TMCO4: variants seen among roughly 807,000 people sequenced by gnomAD.
The protein encoded by TMCO4 is transmembrane and coiled-coil domains 4.
In TMCO4, 58 loss-of-function variants were observed where a neutral mutation model predicts 64.7. The ratio of observed to expected loss-of-function variants is 0.90; its 90% CI spans 0.73 to 1.12. TMCO4 has a LOEUF of 1.12. Ranked by LOEUF, TMCO4 falls within the 50% of genes most tolerant of loss-of-function variation. The probability of loss-of-function intolerance (pLI) is 0.00; values close to 1 mark genes in which losing one functional copy is unlikely to be tolerated. For missense variants in TMCO4, 780 were observed against 825.9 expected (o/e 0.94, Z 0.68); for synonymous variants, 325 against 346.1 (o/e 0.94, Z 0.68).
intron 7 of TMCO4, among the ~76,000 whole-genome samples, chr1:19,749,601 C>T (rs1422266482): frequency 1.3e-5 from 2 of 152,186 alleles, no homozygotes; most frequent in African/African-American, 4.8e-5. Flanking sequence ...CTCCTGGGCT[C>T]AAGTGATCCA....
chr1:19,789,698 C>T (rs546221178), intron 2 of TMCO4, among the ~76,000 whole-genome samples: 1 of 152,212 alleles, frequency 6.6e-6, no homozygotes, highest in South Asian at 2.1e-4. Flanking sequence ...TGTGGCCCAG[C>T]CAAGCCAGTG....
chr1:19,783,390 C>T (rs1335138660), intron 3 of TMCO4, among the ~76,000 whole-genome samples: 1 of 152,208 alleles, frequency 6.6e-6, no homozygotes, highest in Non-Finnish European at 1.5e-5. Flanking sequence ...AATAACCACA[C>T]TCCAAACAGT....
At chr1:19,780,546 C>T (rs759691715) in intron 4 of TMCO4, 34 bp downstream of exon 4, 1 of 1,555,616 alleles carries the variant, frequency 6.4e-7, no homozygotes, top group Admixed American at 1.9e-5. Flanking sequence ...CCTGAAGAAG[C>T]ATGACCTTCC....
intron 12 of TMCO4, 79 bp downstream of exon 12, chr1:19,739,745 A>G: frequency 1.3e-6 from 2 of 1,548,958 alleles, no homozygotes; most frequent in South Asian, 2.5e-5. Context: ...CTTGCCTCTA[A>G]GGCTGATATC....
chr1:19,772,702 T>C (rs1433489514), intron 4 of TMCO4, among the ~76,000 whole-genome samples: 1 of 152,106 alleles, frequency 6.6e-6, no homozygotes, highest in African/African-American at 2.4e-5. Flanking sequence ...TCAAACCACA[T>C]TGCCTTGGGA....
chr1:19,685,988 A>G (rs1376262849), intron 15 of TMCO4, among the ~76,000 whole-genome samples: 1 of 152,024 alleles, frequency 6.6e-6, no homozygotes, highest in Non-Finnish European at 1.5e-5. Context: ...CGGCCTCCCA[A>G]AGTGCTGGGA....
chr1:19,751,143 G>A (rs1261424043), intron 7 of TMCO4, among the ~76,000 whole-genome samples: 2 of 152,176 alleles, frequency 1.3e-5, no homozygotes, highest in Non-Finnish European at 2.9e-5. Context: ...AGCTTGCCCT[G>A]GGCTTGGAAA....
At chr1:19,741,959 G>A (rs2095481281) in intron 10 of TMCO4, among the ~76,000 whole-genome samples, 1 of 151,794 alleles carries the variant, frequency 6.6e-6, no homozygotes, top group Non-Finnish European at 1.5e-5. Flanking sequence ...GGCTGGTCTC[G>A]AACTCCTGAC....
chr1:19,725,624 A>G (rs2095405452), intron 13 of TMCO4, among the ~76,000 whole-genome samples: 1 of 152,202 alleles, frequency 6.6e-6, no homozygotes, highest in Non-Finnish European at 1.5e-5. Flanking sequence ...CCTTGGGGAC[A>G]GGGTCAGTCA....
chr1:19,772,866 T>G (rs752382277), intron 4 of TMCO4, among the ~76,000 whole-genome samples: 8 of 152,078 alleles, frequency 5.3e-5, no homozygotes, highest in Non-Finnish European at 1.2e-4. Context: ...GACCGAGACC[T>G]TGATGGGAGT....
rs2100491185 is a variant in TMCO4, at chr1:19,682,949, T to C, written c.*91A>G. On this transcript the variant is annotated 3_prime_UTR_variant, in exon 16 of 16. Transcript: ENST00000294543. ...TTAGGAAAGAGGCCTGTGGAAATCC[T>C]GTACCTCCAGAGCTCCTGGGAGGAA... 8 of 1,457,890 alleles carry C rather than the reference T, an allele frequency of 5.5e-6. No homozygotes were observed. Among genetic ancestry groups the C allele is most frequent in the Admixed American group, 2.3e-5 (1 of 44,436 alleles). The allele number at this position is 1,457,890 out of a possible 1,614,324, so 90.3% of individuals were successfully genotyped here. A position where few individuals can be genotyped will look rare whatever the true frequency, so the allele number is the denominator to read the frequency against.
In TMCO4 at chr1:19,737,361, T is replaced by C. The variant is rs1557538280; in HGVS notation, c.1264+11A>G. 1 of 1,609,274 alleles carries C rather than the reference T, an allele frequency of 6.2e-7. No individual in the cohort carries two copies. Among genetic ancestry groups the C allele is most frequent in the South Asian group, 1.1e-5 (1 of 90,736 alleles). On this transcript the variant is annotated intron_variant, in intron 13 of 15. Transcript: ENST00000294543. ...GAAGGGTTTCCGTCTGTGACAATAA[T>C]CCATGCTCACCTTTCTCTTGAGCCA... is the stretch of plus-strand genomic sequence containing the variant.
chr1:19,747,026 T>C (rs1170234498), intron 8 of TMCO4, 137 bp downstream of exon 8: 2 of 729,498 alleles, frequency 2.7e-6, no homozygotes, highest in Non-Finnish European at 4.7e-6. Flanking sequence ...GCACACCGAC[T>C]ACTCACTGAC....
At chr1:19,727,178 G>A (rs2095412464) in intron 13 of TMCO4, among the ~76,000 whole-genome samples, 1 of 152,164 alleles carries the variant, frequency 6.6e-6, no homozygotes, top group Admixed American at 6.5e-5. Flanking sequence ...CAGCTTCTGC[G>A]ACTCCTTCTG....
intron 13 of TMCO4, among the ~76,000 whole-genome samples, chr1:19,720,659 T>G (rs1172657283): frequency 6.6e-6 from 1 of 151,678 alleles, no homozygotes; most frequent in Admixed American, 6.6e-5. Flanking sequence ...TAAATACGTG[T>G]CTAAGAAAAC....
chr1:19,765,490 T>C (rs544302527), intron 6 of TMCO4, among the ~76,000 whole-genome samples: 35 of 152,026 alleles, frequency 2.3e-4, no homozygotes, highest in African/African-American at 7.5e-4. Context: ...AGCTCAGGAA[T>C]GTCTACTGGC....
At chr1:19,792,433 G>A (rs2044090902) in intron 2 of TMCO4, among the ~76,000 whole-genome samples, 2 of 152,178 alleles carry the variant, frequency 1.3e-5, no homozygotes, top group Non-Finnish European at 2.9e-5. Flanking sequence ...GGTCATTTTT[G>A]TCAGTAGTTG....
intron 13 of TMCO4, among the ~76,000 whole-genome samples, chr1:19,709,085 G>A (rs1156917624): frequency 1.3e-5 from 2 of 152,118 alleles, no homozygotes; most frequent in Non-Finnish European, 1.5e-5. Context: ...AAGGAGAAAG[G>A]GCGGCTTTGA....
At chr1:19,746,923 CAAAA>C (rs199888917) in intron 8 of TMCO4, among the ~76,000 whole-genome samples, 7 of 49,850 alleles carry the variant, frequency 1.4e-4, no homozygotes, top group Non-Finnish European at 4.3e-5. Flanking sequence ...GATACTGTCT[CAAAA>C]AAAAAAAAAA....
Sources: gnomAD v4.1 joint callset for allele counts (sites outside exome capture counted in the v4.1 genomes callset) on GRCh38, gnomAD v4.1.1 for gene constraint, MANE v1.5 for transcripts, NCBI Gene and HGNC (gene_info 2026-07-23, HGNC 2026-07-21) for gene names.